CSMD1: variants seen among roughly 807,000 people sequenced by gnomAD.
The protein encoded by CSMD1 is CUB and Sushi multiple domains 1, also known as CUB and sushi domain-containing protein 1.
Under a neutral mutation model 417.5 loss-of-function variants are expected in CSMD1, and 213 were observed. The ratio of observed to expected loss-of-function variants is 0.51; its 90% confidence interval spans 0.46 to 0.57. The LOEUF (loss-of-function observed/expected upper bound fraction) is 0.57, where lower values mean the gene tolerates loss of function less well. Among genes scored for constraint, CSMD1 ranks in the 20% least tolerant of loss-of-function variants. The pLI is 0.00. For missense variants in CSMD1, 6,923 were observed against 4,529.7 expected (o/e 1.53, Z -15.17); for synonymous variants, 2,862 against 1,736.8 (o/e 1.65, Z -16.11).
chr8:4,681,777 T>C (rs1806067012), intron 1 of CSMD1, among the ~76,000 whole-genome samples: 1 of 152,116 alleles, frequency 6.6e-6, no homozygotes, highest in Non-Finnish European at 1.5e-5. Flanking sequence ...TAAAGAGGTA[T>C]TTACCCCATG....
intron 2 of CSMD1, among the ~76,000 whole-genome samples, chr8:4,627,681 C>T (rs1448025452): frequency 2.0e-5 from 3 of 152,116 alleles, no homozygotes; most frequent in Non-Finnish European, 4.4e-5. Context: ...TCCGGGATGC[C>T]CCAGCCTCTG....
intron 43 of CSMD1, among the ~76,000 whole-genome samples, chr8:3,109,074 G>A (rs545550978): frequency 6.6e-6 from 1 of 152,226 alleles, no homozygotes; most frequent in Admixed American, 6.5e-5. Context: ...AGACCAGCCT[G>A]GCCAACATGG....
chr8:3,209,186 C>A (rs1264571762), intron 30 of CSMD1, among the ~76,000 whole-genome samples: 2 of 152,122 alleles, frequency 1.3e-5, no homozygotes, highest in East Asian at 3.9e-4. Flanking sequence ...TCCGTTCTTC[C>A]TCAGATCAAA....
At chr8:3,787,355 T>G (rs61619082) in intron 5 of CSMD1, among the ~76,000 whole-genome samples, 13,279 of 152,218 alleles carry the variant, frequency 0.087, 1,038 homozygotes, top group African/African-American at 0.21. Context: ...GTTGATGCCA[T>G]TTTGCTTGCA....
chr8:4,321,918 C>T (rs569303730), intron 3 of CSMD1, among the ~76,000 whole-genome samples: 1 of 151,988 alleles, frequency 6.6e-6, no homozygotes, highest in South Asian at 2.1e-4. Flanking sequence ...CCTTTTATTA[C>T]AGTATATTTT....
chr8:4,133,208 T>C (rs1022774298), intron 3 of CSMD1, among the ~76,000 whole-genome samples: 2 of 152,128 alleles, frequency 1.3e-5, no homozygotes, highest in Non-Finnish European at 2.9e-5. Flanking sequence ...AGTGCTGGGA[T>C]TACAGACATG....
At chr8:4,057,523 A>T (rs919097836) in intron 3 of CSMD1, among the ~76,000 whole-genome samples, 1 of 152,012 alleles carries the variant, frequency 6.6e-6, no homozygotes, top group African/African-American at 2.4e-5. Context: ...GCTGTGCAGA[A>T]GCTCTTTAGT....
At chr8:4,708,429 A>G (rs6992236) in intron 1 of CSMD1, among the ~76,000 whole-genome samples, 49,693 of 151,866 alleles carry the variant, frequency 0.33, 9,372 homozygotes, top group Non-Finnish European at 0.43. Flanking sequence ...AAAACTGCTA[A>G]TAGTTTCACT....
intron 5 of CSMD1, among the ~76,000 whole-genome samples, chr8:3,961,623 A>G (rs748633210): frequency 2.6e-5 from 4 of 152,242 alleles, no homozygotes; most frequent in African/African-American, 4.8e-5. Context: ...TTTGTAACAC[A>G]AAATCTGTTT....
At chr8:3,497,928 T>C (rs1239969813) in intron 10 of CSMD1, among the ~76,000 whole-genome samples, 2 of 152,224 alleles carry the variant, frequency 1.3e-5, no homozygotes, top group African/African-American at 2.4e-5. Context: ...ATGGTGGTTA[T>C]CACCCTTTCA....
chr8:4,348,304 G>A (rs1007264479), intron 3 of CSMD1, among the ~76,000 whole-genome samples: 1 of 152,054 alleles, frequency 6.6e-6, no homozygotes, highest in Non-Finnish European at 1.5e-5. Context: ...CATGTTCTGT[G>A]GATGCCTTTG....
intron 6 of CSMD1, among the ~76,000 whole-genome samples, chr8:3,747,785 G>A (rs1797132111): frequency 6.6e-6 from 1 of 151,198 alleles, no homozygotes; most frequent in Non-Finnish European, 1.5e-5. Flanking sequence ...CACCAATAGT[G>A]CAAAAAAAAA....
chr8:4,926,191 A>G (rs1247535260), intron 1 of CSMD1, among the ~76,000 whole-genome samples: 1 of 152,238 alleles, frequency 6.6e-6, no homozygotes, highest in African/African-American at 2.4e-5. Flanking sequence ...TGAAATATTC[A>G]AATTGCAGGG....
chr8:3,840,907 A>G (rs140601260), intron 5 of CSMD1, among the ~76,000 whole-genome samples: 2,365 of 152,016 alleles, frequency 0.016, 56 homozygotes, highest in African/African-American at 0.053. Context: ...AGGTTTCACC[A>G]TATCGGTCAG....
intron 2 of CSMD1, among the ~76,000 whole-genome samples, chr8:4,426,268 C>T (rs542222160): frequency 6.6e-6 from 1 of 151,420 alleles, no homozygotes; most frequent in Non-Finnish European, 1.5e-5. Flanking sequence ...ATAAGTTATT[C>T]CAATTTCTGT....
chr8:4,840,540 C>G (rs1399628315), intron 1 of CSMD1, among the ~76,000 whole-genome samples: 2 of 152,078 alleles, frequency 1.3e-5, no homozygotes, highest in East Asian at 3.9e-4. Context: ...GAGCAGCTTT[C>G]AAAATAAACT....
At chr8:4,159,996 G>A (rs921579603) in intron 3 of CSMD1, among the ~76,000 whole-genome samples, 72 of 151,974 alleles carry the variant, frequency 4.7e-4, no homozygotes, top group African/African-American at 1.6e-3. Flanking sequence ...AATGTATAAT[G>A]CTCTGGTGAT....
chr8:3,984,706 TATATATATATA>T (rs1814176179), intron 5 of CSMD1, among the ~76,000 whole-genome samples: 5 of 47,266 alleles, frequency 1.1e-4, no homozygotes, highest in African/African-American at 2.5e-4. Context: ...GTATATATCA[TATATATATATA>T]TATATATATA....
At position 3,108,703 on chromosome 8, in the gene CSMD1, G is replaced by T. The variant is rs1585370763; in HGVS notation, c.6654C>A (p.Gly2218=). Residue 2218 remains glycine, a synonymous_variant, in exon 44 of 70, where the codon GGC becomes GGA. Coordinates refer to ENST00000635120, the MANE Select transcript of CSMD1 (RefSeq NM_033225.6). The part of the protein sequence containing the change: ...QNSPQLGVFS[G]NTALETAYSS... ...TATACGCCGTTTCGAGGGCTGTGTT[G>T]CCACTGAAAACTCCCAGCTGGGGTG... 6.2e-7 allele frequency: 1 copy of T among 1,613,536 alleles called. No individual in the cohort carries two copies. The highest frequency in any genetic ancestry group is 1.7e-4 in the Middle Eastern group (1 of 6,058).
Sources: gnomAD v4.1 joint callset for allele counts (sites outside exome capture counted in the v4.1 genomes callset) on GRCh38, gnomAD v4.1.1 for gene constraint, MANE v1.5 for transcripts, NCBI Gene and HGNC (gene_info 2026-07-23, HGNC 2026-07-21) for gene names.